The following MAGI1 variants were observed in gnomAD, a reference collection of about 807,000 sequenced individuals.
MAGI1 encodes membrane-associated guanylate kinase, WW and PDZ domain-containing protein 1.
In MAGI1, 58 loss-of-function variants were observed where a neutral mutation model predicts 139.9. The observed-to-expected ratio is 0.41, with a 90% CI of 0.34 to 0.52. The LOEUF is 0.52. Ranked by LOEUF, MAGI1 falls within the 20% of genes least tolerant of loss-of-function variation. The pLI is 0.12. For synonymous variants in MAGI1, 812 were observed against 737.9 expected (o/e 1.10, Z -1.63); for missense variants, 1,874 against 1,901.6 (o/e 0.99, Z 0.27).
chr3:65,986,478 G>A (rs1012567585), intron 1 of MAGI1, among the ~76,000 whole-genome samples: 1 of 152,204 alleles, frequency 6.6e-6, no homozygotes, highest in Non-Finnish European at 1.5e-5. Context: ...GCAGGAGCAG[G>A]ACAGCCAGTC....
At chr3:65,893,906 C>T (rs2060865704) in intron 1 of MAGI1, 1 of 152,190 alleles carries the variant, frequency 6.6e-6, no homozygotes, top group Admixed American at 6.5e-5. Context: ...CTAGAATCAT[C>T]TGAAACCTCA....
intron 5 of MAGI1, among the ~76,000 whole-genome samples, chr3:65,462,073 A>C (rs1420238260): frequency 1.3e-5 from 2 of 152,146 alleles, no homozygotes; most frequent in Non-Finnish European, 2.9e-5. Context: ...TAGGTTGCCC[A>C]TTCACTATGA....
intron 1 of MAGI1, among the ~76,000 whole-genome samples, chr3:65,740,654 G>A (rs190931248): frequency 5.9e-5 from 9 of 152,118 alleles, no homozygotes; most frequent in African/African-American, 1.4e-4. Context: ...ATTTTGCATC[G>A]GTTAAGAAAT....
At chr3:65,525,419 T>C (rs1379410077) in intron 2 of MAGI1, among the ~76,000 whole-genome samples, 1 of 152,176 alleles carries the variant, frequency 6.6e-6, no homozygotes, top group African/African-American at 2.4e-5. Context: ...TGACTAACCT[T>C]TGGAATGCTT....
chr3:65,611,082 CTATATACATATATAATATATAGTATAT>C (rs1370774135), intron 2 of MAGI1, among the ~76,000 whole-genome samples: 3 of 133,522 alleles, frequency 2.2e-5, no homozygotes, highest in African/African-American at 5.5e-5. Context: ...AGTATATGTA[CTATATACATATATAATATATAGTATAT>C]TATATACGTA....
At chr3:65,360,625 T>C (rs1426748557) in intron 22 of MAGI1, 1 of 985,480 alleles carries the variant, frequency 1.0e-6, no homozygotes, top group Non-Finnish European at 1.2e-6. Flanking sequence ...TTAACAGTTT[T>C]TGTTTGTTTG....
chr3:66,017,275 G>C (rs554614691), intron 1 of MAGI1, among the ~76,000 whole-genome samples: 1 of 152,230 alleles, frequency 6.6e-6, no homozygotes, highest in Non-Finnish European at 1.5e-5. Flanking sequence ...GTCTCAACAC[G>C]CGCAGGGCGC....
intron 1 of MAGI1, among the ~76,000 whole-genome samples, chr3:65,845,875 G>A (rs2108362995): frequency 6.6e-6 from 1 of 152,286 alleles, no homozygotes; most frequent in East Asian, 1.9e-4. Flanking sequence ...CCAGCCAATA[G>A]TTTGCTGGCC....
intron 12 of MAGI1, among the ~76,000 whole-genome samples, chr3:65,409,346 T>C (rs913458851): frequency 9.2e-5 from 14 of 151,988 alleles, no homozygotes; most frequent in Admixed American, 8.5e-4. Context: ...TCTAATCCGA[T>C]ATGAAGAAGG....
At chr3:65,430,604 G>A in intron 11 of MAGI1, 95 bp downstream of exon 11, 2 of 1,341,166 alleles carry the variant, frequency 1.5e-6, no homozygotes, top group Non-Finnish European at 2.1e-6. Flanking sequence ...ACGTTGCTTG[G>A]TCTTGCTCAA....
chr3:65,731,017 AG>A (rs2034134243), intron 1 of MAGI1, among the ~76,000 whole-genome samples: 1 of 152,164 alleles, frequency 6.6e-6, no homozygotes, highest in Admixed American at 6.5e-5. Flanking sequence ...GGCATCTTCT[AG>A]CCCCCAAATT....
chr3:65,542,913 A>T (rs1003091470), intron 2 of MAGI1, among the ~76,000 whole-genome samples: 8 of 152,194 alleles, frequency 5.3e-5, no homozygotes, highest in Non-Finnish European at 1.2e-4. Flanking sequence ...GATCTAATTA[A>T]ACTAAAGAGC....
intron 3 of MAGI1, among the ~76,000 whole-genome samples, chr3:65,480,161 C>A (rs1264592596): frequency 1.1e-4 from 16 of 140,482 alleles, no homozygotes; most frequent in African/African-American, 1.6e-4. Context: ...ACACAAGCAC[C>A]AAAAAAAAAA....
rs570143273 is a variant in MAGI1, at chr3:65,560,537, T to C, written c.430+61435A>G. ...TAACTGCTAGAACAAATTCTAAAGA[T>C]AGTTCTAGATTCTAAAGGAGCCGGT... On this transcript the variant is annotated intron_variant, in intron 2 of 22. Coordinates refer to ENST00000402939, the MANE Select transcript of MAGI1 (RefSeq NM_001033057.2). Among the ~76,000 whole-genome samples, 10 of 152,304 alleles carry C rather than the reference T, an allele frequency of 6.6e-5. No individual in the cohort carries two copies. The East Asian group carries it at 1.4e-3, about 21-fold the overall frequency.
chr3:66,038,586 C>T lies in MAGI1; in HGVS notation c.-278G>A, dbSNP rs1339542137. 1 of 439,730 alleles carries T rather than the reference C, an allele frequency of 2.3e-6. No homozygotes were observed. The highest frequency in any genetic ancestry group is 2.0e-5 in the African/African-American group (1 of 49,364). The allele number at this position is 439,730 out of a possible 1,614,324, so 27.2% of individuals were successfully genotyped here. A position where few individuals can be genotyped will look rare whatever the true frequency, so the allele number is the denominator to read the frequency against. ...GTCCACGTTCCGGCGCCCGCCCGTG[C>T]TCTCCCGGACCAGAGTCCACTCTGC... On this transcript the variant is annotated 5_prime_UTR_variant, in exon 1 of 23. Coordinates refer to ENST00000402939, the MANE Select transcript of MAGI1 (RefSeq NM_001033057.2).
intron 1 of MAGI1, among the ~76,000 whole-genome samples, chr3:65,670,863 TTTAA>T (rs139781792): frequency 0.069 from 10,464 of 152,214 alleles, 494 homozygotes; most frequent in Non-Finnish European, 0.1. Flanking sequence ...ATTCATATTC[TTTAA>T]TTAAGTAAAA....
chr3:65,598,950 T>C (rs1342346759), intron 2 of MAGI1, among the ~76,000 whole-genome samples: 2 of 152,216 alleles, frequency 1.3e-5, no homozygotes, highest in Non-Finnish European at 2.9e-5. Flanking sequence ...CTACACCTTG[T>C]AGCAAGAGAG....
intron 1 of MAGI1, among the ~76,000 whole-genome samples, chr3:65,663,829 C>T (rs534254800): frequency 5.3e-5 from 8 of 152,126 alleles, no homozygotes; most frequent in Admixed American, 2.0e-4. Context: ...AGTACCTCCC[C>T]GAGTTGTGAT....
At position 65,356,826 on chromosome 3, in the gene MAGI1, G is replaced by A; in HGVS notation, c.3941C>T (p.Ala1314Val). The A allele has an allele frequency of 2.5e-6, 4 of 1,611,962 alleles. No individual in the cohort carries two copies. The highest frequency in any genetic ancestry group is 3.4e-6 in the Non-Finnish European group (4 of 1,178,686). ...RRDAQAERAA[A>V]ANGPKRRSPE... ...GGACCGCCTCTTGGGGCCGTTGGCG[G>A]CTGCCGCGCGCTCGGCCTGCGCGTC... The change falls in exon 23 of 23, where the codon GCC (alanine) becomes GTC (valine). Residue 1314 changes from alanine (A) to valine (V), a missense_variant. Physicochemically the swap from Ala to Val is moderately conservative, Grantham distance 64. Transcript: ENST00000402939.
Sources: gnomAD v4.1 joint callset for allele counts (sites outside exome capture counted in the v4.1 genomes callset) on GRCh38, gnomAD v4.1.1 for gene constraint, MANE v1.5 for transcripts, NCBI Gene and HGNC (gene_info 2026-07-23, HGNC 2026-07-21) for gene names.